The following NIPSNAP2 variants were observed in gnomAD, a reference collection of about 807,000 sequenced individuals.
The protein encoded by NIPSNAP2 is protein NipSnap homolog 2.
In NIPSNAP2, 42 loss-of-function variants were observed where a neutral mutation model predicts 48.4. That is an observed-to-expected ratio of 0.87 (90% CI 0.68 to 1.12). NIPSNAP2 has a LOEUF of 1.12. Ranked by LOEUF, NIPSNAP2 falls within the 50% of genes most tolerant of loss-of-function variation. The pLI, the probability that NIPSNAP2 is intolerant of heterozygous loss-of-function variation, is 0.00. For synonymous variants in NIPSNAP2, 158 were observed against 126.6 expected (o/e 1.25, Z -1.67); for missense variants, 314 against 347.3 (o/e 0.90, Z 0.76).
At chr7:55,981,948 A>T in intron 4 of NIPSNAP2, 1 of 327,632 alleles carries the variant, frequency 3.1e-6, no homozygotes, top group Non-Finnish European at 5.7e-6. Flanking sequence ...CTGGAAATAC[A>T]GGTGCCCACC....
chr7:55,999,048 A>G lies in NIPSNAP2; in HGVS notation c.837A>G (p.Pro279=). Residue 279 remains proline, a synonymous_variant, in exon 10 of 10, where the codon CCA becomes CCG. Coordinates refer to ENST00000322090, the MANE Select transcript of NIPSNAP2 (RefSeq NM_001483.3). ...IQEMESRIMI[P]LKTSPLQ is the part of the protein sequence containing the mutation. ...AAATGGAATCCAGAATCATGATCCC[A>G]CTGAAGACCTCGCCCCTCCAGTAAA... 2 of 1,614,024 alleles carry G rather than the reference A, an allele frequency of 1.2e-6. No individual in the cohort carries two copies. The highest frequency in any genetic ancestry group is 1.7e-6 in the Non-Finnish European group (2 of 1,179,920).
At chr7:55,996,536 G>A (rs1354387647) in intron 8 of NIPSNAP2, among the ~76,000 whole-genome samples, 1 of 152,106 alleles carries the variant, frequency 6.6e-6, no homozygotes, top group African/African-American at 2.4e-5. Flanking sequence ...GACCTCGCCT[G>A]CCTCATATCC....
At chr7:55,997,288 G>A in intron 8 of NIPSNAP2, 78 bp from the exon 9 acceptor site, 1 of 1,053,670 alleles carries the variant, frequency 9.5e-7, no homozygotes, top group East Asian at 2.4e-5. Context: ...TCCAGGTGAA[G>A]CAAGACTTTA....
At chr7:55,990,016 A>T (rs901896888) in intron 7 of NIPSNAP2, among the ~76,000 whole-genome samples, 56 of 150,332 alleles carry the variant, frequency 3.7e-4, no homozygotes, top group African/African-American at 1.3e-3. Context: ...TACTCAGGAG[A>T]TGGAGGCTGC....
intron 7 of NIPSNAP2, among the ~76,000 whole-genome samples, chr7:55,989,060 A>G (rs1007223534): frequency 6.6e-6 from 1 of 152,172 alleles, no homozygotes; most frequent in African/African-American, 2.4e-5. Flanking sequence ...TTAAGTGACC[A>G]TAGCAGCATG....
chr7:55,976,679 A>C (rs900485261), intron 1 of NIPSNAP2, among the ~76,000 whole-genome samples: 3 of 152,164 alleles, frequency 2.0e-5, no homozygotes, highest in Non-Finnish European at 4.4e-5. Flanking sequence ...TGAGGCCAGG[A>C]GTTTGAGAAC....
intron 1 of NIPSNAP2, among the ~76,000 whole-genome samples, chr7:55,969,934 G>T (rs1786983245): frequency 7.0e-6 from 1 of 141,846 alleles, no homozygotes; most frequent in Non-Finnish European, 1.5e-5. Flanking sequence ...AGTGAGCCGA[G>T]ATCCCACCAC....
intron 8 of NIPSNAP2, among the ~76,000 whole-genome samples, chr7:55,996,906 C>T (rs573372164): frequency 6.3e-4 from 96 of 151,818 alleles, no homozygotes; most frequent in Non-Finnish European, 1.2e-3. Context: ...ATGGGCCAGG[C>T]GTGGTGGCTC....
intron 3 of NIPSNAP2, chr7:55,978,633 G>T: frequency 2.0e-6 from 1 of 488,892 alleles, no homozygotes; most frequent in South Asian, 2.7e-5. Context: ...CCAGACTCTT[G>T]TGTTTGGAGG....
At chr7:55,980,465 A>C (rs1374542844) in intron 3 of NIPSNAP2, 1 of 152,318 alleles carries the variant, frequency 6.6e-6, no homozygotes, top group Non-Finnish European at 1.5e-5. Flanking sequence ...TATCAGAGTC[A>C]GCAAATAGTG....
chr7:55,989,941 C>T (rs1787409630), intron 7 of NIPSNAP2, among the ~76,000 whole-genome samples: 1 of 134,022 alleles, frequency 7.5e-6, no homozygotes, highest in Non-Finnish European at 1.6e-5. Context: ...ACCCTGTCTA[C>T]TAAAAATCCA....
intron 7 of NIPSNAP2, among the ~76,000 whole-genome samples, chr7:55,986,706 T>A (rs911106037): frequency 6.8e-6 from 1 of 147,386 alleles, no homozygotes; most frequent in African/African-American, 2.6e-5. Flanking sequence ...AAAAAAAAAA[T>A]TTAATTAAAA....
intron 3 of NIPSNAP2, chr7:55,981,236 G>T: frequency 9.9e-6 from 3 of 303,666 alleles, no homozygotes; most frequent in Non-Finnish European, 1.2e-5. Flanking sequence ...TATACTGATT[G>T]AACAACTCTT....
chr7:55,992,984 T>A (rs77264545), intron 7 of NIPSNAP2, among the ~76,000 whole-genome samples: 16 of 152,102 alleles, frequency 1.1e-4, no homozygotes, highest in Non-Finnish European at 2.4e-4. Context: ...ATTTTTTTTT[T>A]AAGTGGTGCA....
intron 1 of NIPSNAP2, among the ~76,000 whole-genome samples, chr7:55,967,156 G>A (rs904323759): frequency 3.3e-5 from 5 of 152,246 alleles, no homozygotes; most frequent in Non-Finnish European, 4.4e-5. Context: ...TGTCTCACAG[G>A]TGCTTAAAAC....
chr7:55,965,885 C>G (rs1050809532), intron 1 of NIPSNAP2, among the ~76,000 whole-genome samples: 1 of 152,102 alleles, frequency 6.6e-6, no homozygotes, highest in Admixed American at 6.6e-5. Context: ...GCGGCCTGAT[C>G]TTTTTAAAAA....
chr7:55,983,657 A>G (rs960765485), intron 5 of NIPSNAP2, 71 bp from the exon 6 acceptor site: 1 of 1,508,150 alleles, frequency 6.6e-7, no homozygotes, highest in Non-Finnish European at 9.2e-7. Context: ...CTGTAGGAAC[A>G]TCAATGTTAC....
intron 9 of NIPSNAP2, among the ~76,000 whole-genome samples, chr7:55,998,525 G>A (rs112542046): frequency 0.15 from 12,232 of 83,564 alleles, 1,169 homozygotes; most frequent in East Asian, 0.28. Context: ...TTTTTGAGAC[G>A]GAGTCTTGTT....
intron 9 of NIPSNAP2, 63 bp downstream of exon 9, chr7:55,997,512 C>G (rs374016501): frequency 1.1e-5 from 14 of 1,277,746 alleles, no homozygotes; most frequent in Non-Finnish European, 6.8e-6. Context: ...GTTCTTTCAC[C>G]CTGACACTAA....
Sources: allele counts gnomAD v4.1 joint callset (sites outside exome capture counted in the v4.1 genomes callset), GRCh38; gene constraint gnomAD v4.1.1; transcripts MANE v1.5; gene names NCBI Gene and HGNC (gene_info 2026-07-23, HGNC 2026-07-21).